FOXK1: variants seen among roughly 807,000 people sequenced by gnomAD.
FOXK1 encodes the protein forkhead box K1, also known as forkhead box protein K1.
In FOXK1, 19 loss-of-function variants were observed where a neutral mutation model predicts 51.9. The ratio of observed to expected loss-of-function variants is 0.37; its 90% confidence interval spans 0.26 to 0.54. The LOEUF (loss-of-function observed/expected upper bound fraction) is 0.54. Ranked by LOEUF, FOXK1 falls within the 20% of genes least tolerant of loss-of-function variation. The pLI is 0.87. For synonymous variants in FOXK1, 537 were observed against 482.6 expected (o/e 1.11, Z -1.48); for missense variants, 870 against 1,032.7 (o/e 0.84, Z 2.16).
chr7:4,696,589 G>A (rs1453032330), intron 1 of FOXK1, among the ~76,000 whole-genome samples: 8 of 152,288 alleles, frequency 5.3e-5, no homozygotes, highest in East Asian at 3.9e-4. Context: ...CAGAAGCTGC[G>A]AGTCCCTCGA....
chr7:4,731,458 C>T lies in FOXK1; in HGVS notation c.561-9380C>T, dbSNP rs947158746. On this transcript the variant is annotated intron_variant, in intron 1 of 8. Transcript: ENST00000328914. This position sits in a 1 kb window ranked among gnomAD's most constrained non-coding sequence, Gnocchi z 5.3. ...GGACATGGTAGCAACATTTAAAGAA[C>T]CTTTTGAAAAGAGAGAGGCGGCCGG... 6.6e-6 allele frequency among the ~76,000 whole-genome samples: 1 copy of T among 152,150 alleles called. No homozygotes were observed. The highest frequency in any genetic ancestry group is 1.5e-5 in the Non-Finnish European group (1 of 68,026).
intron 1 of FOXK1, among the ~76,000 whole-genome samples, chr7:4,738,215 T>C (rs1270744921): frequency 6.6e-6 from 1 of 150,408 alleles, no homozygotes; most frequent in African/African-American, 2.5e-5. Context: ...GGTGGTTGGG[T>C]CACCTGAGGT....
Position 4,734,985 on chromosome 7 carries a change from G to A in FOXK1, c.561-5853G>A, listed in dbSNP as rs1399509923. Among the ~76,000 whole-genome samples, 1 of 152,136 alleles carries A rather than the reference G, an allele frequency of 6.6e-6. No homozygotes were observed. The highest frequency in any genetic ancestry group is 2.4e-5 in the African/African-American group (1 of 41,418). ...ATTATTTCTCTGAGTCTGAAATGAT[G>A]ACAATTGTATTTATATTTATGTCAT... On this transcript the variant is annotated intron_variant, in intron 1 of 8. Coordinates refer to ENST00000328914, the MANE Select transcript of FOXK1 (RefSeq NM_001037165.2). The surrounding 1 kb of genome is among the most constrained non-coding windows in gnomAD (Gnocchi z 5.2).
intron 1 of FOXK1, among the ~76,000 whole-genome samples, chr7:4,702,547 G>A (rs1007503455): frequency 6.6e-6 from 1 of 152,140 alleles, no homozygotes; most frequent in Non-Finnish European, 1.5e-5. Flanking sequence ...GTTTCACCAT[G>A]TTGGCCAGGC....
chr7:4,701,053 C>A (rs942081303), intron 1 of FOXK1, among the ~76,000 whole-genome samples: 1 of 152,190 alleles, frequency 6.6e-6, no homozygotes, highest in African/African-American at 2.4e-5. Context: ...GAGCTCCCTG[C>A]CCCAGCCTGT....
rs920476322 is a variant in FOXK1 at position 4,756,829 on chromosome 7, T to C, written c.1051-165T>C. On this transcript the variant is annotated intron_variant, in intron 4 of 8. Transcript: ENST00000328914. This position sits in a 1 kb window ranked among gnomAD's most constrained non-coding sequence, Gnocchi z 4.1. ...ATTTTGATAGGAATGACCTGCCCTGTGCCTCGGTGCTGCTCCCGTGAGGCC... is the reference window on the plus strand; with the variant it reads ...ATTTTGATAGGAATGACCTGCCCTGCGCCTCGGTGCTGCTCCCGTGAGGCC... Among the ~76,000 whole-genome samples, 14 of 151,684 alleles carry C rather than the reference T, an allele frequency of 9.2e-5. No individual in the cohort carries two copies. The highest frequency in any genetic ancestry group is 3.4e-4 in the African/African-American group (14 of 41,360).
At position 4,755,065 on chromosome 7, in the gene FOXK1, T is replaced by C; in HGVS notation, c.904-172T>C. 1.3e-6 allele frequency: 1 copy of C among 746,988 alleles called. No individual in the cohort carries two copies. Among genetic ancestry groups the C allele is most frequent in the South Asian group, 2.1e-5 (1 of 48,394 alleles). 46.3% of individuals were successfully genotyped at this position (746,988 alleles called of 1,614,324 possible). On this transcript the variant is annotated intron_variant, in intron 3 of 8. Transcript: ENST00000328914. The surrounding 1 kb of genome is among the most constrained non-coding windows in gnomAD (Gnocchi z 6.6). ...CCTTCCCATGAGGCAAAAATGGTTG[T>C]TCCTAGTTGAATGCAAGCACATTAA...
chr7:4,706,763 G>A (rs1241289303), intron 1 of FOXK1, among the ~76,000 whole-genome samples: 1 of 152,242 alleles, frequency 6.6e-6, no homozygotes, highest in Admixed American at 6.5e-5. Flanking sequence ...TGTGAATGAG[G>A]CATGATTTCC....
At chr7:4,717,753 T>C (rs1780255050) in intron 1 of FOXK1, among the ~76,000 whole-genome samples, 1 of 152,176 alleles carries the variant, frequency 6.6e-6, no homozygotes, top group Non-Finnish European at 1.5e-5. Flanking sequence ...GCTTGAACCC[T>C]GCCTCTAAAT....
In FOXK1 at chr7:4,759,531, CGCGGCGGGGGGCTCCCATGAT is replaced by C; in HGVS notation, c.1641_1661del (p.Gly548_Gly554del). 1 of 1,561,040 alleles carries C rather than the reference CGCGGCGGGGGGCTCCCATGAT, an allele frequency of 6.4e-7. No individual in the cohort carries two copies. The highest frequency in any genetic ancestry group is 1.2e-5 in the South Asian group (1 of 85,750). On this transcript the variant is annotated inframe_deletion, in exon 7 of 9. Coordinates refer to ENST00000328914, the MANE Select transcript of FOXK1 (RefSeq NM_001037165.2). ...ACGGATACATCCTCACCAGCCAGGG[CGCGGCGGGGGGCTCCCATGAT>C]GCGGCGGGCGCAGCCGTGCTGGACC...
intron 1 of FOXK1, among the ~76,000 whole-genome samples, chr7:4,716,955 A>ATGGCTGGGAGGCGTG (rs1274227615): frequency 2.0e-5 from 3 of 151,272 alleles, no homozygotes; most frequent in African/African-American, 7.3e-5. Flanking sequence ...TGGGAGGCGC[A>ATGGCTGGGAGGCGTG]TGGCTGGGAG....
In FOXK1 at chr7:4,747,169, C is replaced by T. The variant is rs943588552; in HGVS notation, c.746+6146C>T. ...TGTAATCTCGGAGGGTCCTAGCGCC[C>T]GACTTCTCAGGTCAGCCTCGGGTGA... On this transcript the variant is annotated intron_variant, in intron 2 of 8. Transcript: ENST00000328914. The surrounding 1 kb of genome is among the most constrained non-coding windows in gnomAD (Gnocchi z 9.2). Among the ~76,000 whole-genome samples, 5 of 152,176 alleles carry T rather than the reference C, an allele frequency of 3.3e-5. No homozygotes were observed. The highest frequency in any genetic ancestry group is 2.9e-5 in the Non-Finnish European group (2 of 68,030).
Position 4,740,702 on chromosome 7 carries a change from C to T in FOXK1, c.561-136C>T, listed in dbSNP as rs1365981935. On this transcript the variant is annotated intron_variant, in intron 1 of 8. Coordinates refer to ENST00000328914, the MANE Select transcript of FOXK1 (RefSeq NM_001037165.2). ...TTCCTAAGTGTCCTGATAAAAGCAT[C>T]GAAACTGCTCTCTGGGGCCCAGGTT... 162 of 803,040 alleles carry T rather than the reference C, an allele frequency of 2.0e-4. No individual in the cohort carries two copies. In the East Asian group the frequency reaches 4.6e-3, roughly 23 times the overall value. The allele number at this position is 803,040 out of a possible 1,614,324, so 49.7% of individuals were successfully genotyped here.
intron 1 of FOXK1, among the ~76,000 whole-genome samples, chr7:4,716,392 A>G (rs996743008): frequency 6.6e-6 from 1 of 152,114 alleles, no homozygotes; most frequent in Non-Finnish European, 1.5e-5. Flanking sequence ...CATAGCCCCA[A>G]CTACTTGGGA....
At chr7:4,728,730 G>GAAAA (rs67143977) in intron 1 of FOXK1, among the ~76,000 whole-genome samples, 58 of 103,836 alleles carry the variant, frequency 5.6e-4, no homozygotes, top group African/African-American at 1.6e-3. Flanking sequence ...GTCTCTTTTT[G>GAAAA]AAAAAAAAAA....
Position 4,755,168 on chromosome 7 carries a change from G to T in FOXK1, c.904-69G>T. 1 of 1,575,830 alleles carries T rather than the reference G, an allele frequency of 6.3e-7. No individual in the cohort carries two copies. The highest frequency in any genetic ancestry group is 8.7e-7 in the Non-Finnish European group (1 of 1,155,204). On this transcript the variant is annotated intron_variant, in intron 3 of 8. Coordinates refer to ENST00000328914, the MANE Select transcript of FOXK1 (RefSeq NM_001037165.2). The surrounding 1 kb of genome is among the most constrained non-coding windows in gnomAD (Gnocchi z 6.6). ...GTGGGAAGGTTCCTCCCCATCAGCT[G>T]TGACGGGTGGGTGGGGTAGACTCAG...
intron 1 of FOXK1, among the ~76,000 whole-genome samples, chr7:4,737,499 T>G (rs998348439): frequency 6.6e-6 from 1 of 151,270 alleles, no homozygotes; most frequent in African/African-American, 2.4e-5. Flanking sequence ...TGTGCGTGGG[T>G]GTGTGGGCGT....
intron 2 of FOXK1, among the ~76,000 whole-genome samples, chr7:4,744,252 T>C (rs1780672595): frequency 6.6e-6 from 1 of 151,734 alleles, no homozygotes; most frequent in South Asian, 2.1e-4. Flanking sequence ...GCAGGGAAAA[T>C]ACTGTTTATT....
rs923099754 is a variant in FOXK1, at chr7:4,758,017, A to G, written c.1244+830A>G. The G allele has an allele frequency of 6.6e-6, 1 of 152,256 alleles. No individual in the cohort carries two copies. The highest frequency in any genetic ancestry group is 2.4e-5 in the African/African-American group (1 of 41,464). 9.4% of individuals were successfully genotyped at this position (152,256 alleles called of 1,614,324 possible). On this transcript the variant is annotated intron_variant, in intron 5 of 8. Coordinates refer to ENST00000328914, the MANE Select transcript of FOXK1 (RefSeq NM_001037165.2). This position sits in a 1 kb window ranked among gnomAD's most constrained non-coding sequence, Gnocchi z 4.4. ...TAAAAATAAGATTTTAGTTCTTAGAAGTGGAAATGTGTGTAGCAATAGGAA... is the reference window on the plus strand; with the variant it reads ...TAAAAATAAGATTTTAGTTCTTAGAGGTGGAAATGTGTGTAGCAATAGGAA...
Sources: gnomAD v4.1 joint callset for allele counts (sites outside exome capture counted in the v4.1 genomes callset) on GRCh38, gnomAD v4.1.1 for gene constraint, Gnocchi (gnomAD v3.1) non-coding constraint, MANE v1.5 for transcripts, NCBI Gene and HGNC (gene_info 2026-07-23, HGNC 2026-07-21) for gene names.